The following PDE3A variants were observed in gnomAD, a reference collection of about 807,000 sequenced individuals.
The protein encoded by PDE3A is cGMP-inhibited 3',5'-cyclic phosphodiesterase 3A.
Under a neutral mutation model 98.3 loss-of-function variants are expected in PDE3A, and 43 were observed. That is an observed-to-expected ratio of 0.44 (90% CI 0.34 to 0.56). PDE3A has a LOEUF of 0.56. PDE3A is among the 20% of genes least tolerant of loss of function. The pLI is 0.01. For missense variants in PDE3A, 1,427 were observed against 1,440.7 expected (o/e 0.99, Z 0.15); for synonymous variants, 663 against 567.9 (o/e 1.17, Z -2.38).
At chr12:20,610,550 T>C (rs910148972) in intron 2 of PDE3A, among the ~76,000 whole-genome samples, 1 of 151,918 alleles carries the variant, frequency 6.6e-6, no homozygotes, top group African/African-American at 2.4e-5. Flanking sequence ...CACCACCTCA[T>C]AAAGATATCT....
chr12:20,559,602 C>T (rs768431849), intron 2 of PDE3A, among the ~76,000 whole-genome samples: 8 of 151,046 alleles, frequency 5.3e-5, no homozygotes, highest in African/African-American at 7.3e-5. Flanking sequence ...ACCCTGGAGG[C>T]GGAGGTTGCA....
chr12:20,584,834 C>T (rs1295966327), intron 2 of PDE3A, among the ~76,000 whole-genome samples: 1 of 152,088 alleles, frequency 6.6e-6, no homozygotes, highest in Non-Finnish European at 1.5e-5. Flanking sequence ...TGCTTTCCTT[C>T]CCCTTAAAGC....
At chr12:20,622,085 C>T (rs1944150268) in intron 5 of PDE3A, among the ~76,000 whole-genome samples, 1 of 152,078 alleles carries the variant, frequency 6.6e-6, no homozygotes, top group Admixed American at 6.6e-5. Context: ...TCAGTAACTT[C>T]CTGCTTAGTT....
At position 20,670,238 on chromosome 12, in the gene PDE3A, C is replaced by G. The variant is rs1156968678; in HGVS notation, c.3185-9792C>G. Among the ~76,000 whole-genome samples the G allele has an allele frequency of 1.6e-4, 24 of 148,958 alleles. No homozygotes were observed. In the South Asian group the frequency reaches 5.2e-3, roughly 32 times the overall value. ...CTACAAAGAGACTTAGACTCCCACA[C>G]ATTAATAATGGGAGACTTTAACACC... is the stretch of plus-strand genomic sequence containing the variant. On this transcript the variant is annotated intron_variant, in intron 15 of 15. Transcript: ENST00000359062.
At chr12:20,625,670 T>G (rs1251402132) in intron 5 of PDE3A, among the ~76,000 whole-genome samples, 2 of 152,156 alleles carry the variant, frequency 1.3e-5, no homozygotes, top group Admixed American at 6.6e-5. Flanking sequence ...AACAGATGGA[T>G]TCACTTAAAT....
At chr12:20,569,993 T>C (rs528343050) in intron 2 of PDE3A, among the ~76,000 whole-genome samples, 6 of 152,118 alleles carry the variant, frequency 3.9e-5, no homozygotes, top group Non-Finnish European at 5.9e-5. Flanking sequence ...AAGAAGGATA[T>C]TGAAAAGCTG....
intron 1 of PDE3A, among the ~76,000 whole-genome samples, chr12:20,530,365 T>C (rs977207347): frequency 1.5e-4 from 23 of 152,118 alleles, no homozygotes; most frequent in Non-Finnish European, 2.5e-4. Context: ...CTCCAGATAG[T>C]AGAAATAAGA....
chr12:20,552,062 A>G lies in PDE3A; in HGVS notation c.961-4598A>G. The stretch of plus-strand genomic sequence containing the variant: ...GTGGACCATGGGAATTTTTTCACAT[A>G]CACGGGTAGTGGTGGTCGAGAGCTT... On this transcript the variant is annotated intron_variant, in intron 1 of 15. Coordinates refer to ENST00000359062, the MANE Select transcript of PDE3A (RefSeq NM_000921.5). This position sits in a 1 kb window ranked among gnomAD's most constrained non-coding sequence, Gnocchi z 5.1. 6.2e-7 allele frequency: 1 copy of G among 1,608,184 alleles called. No individual in the cohort carries two copies. Among genetic ancestry groups the G allele is most frequent in the South Asian group, 1.1e-5 (1 of 90,994 alleles).
rs767915193 is a variant in PDE3A at position 20,607,910 on chromosome 12, TTAAA to T, written c.1012-5528_1012-5525del. Among the ~76,000 whole-genome samples the T allele has an allele frequency of 7.5e-4, 114 of 152,320 alleles. 1 individual carries two copies. Among genetic ancestry groups the T allele is most frequent in the Non-Finnish European group, 2.9e-4 (20 of 68,042 alleles). ...TTATCACTATCTAAGATTTCACCAGTTAAATAAAACATTTCTGAGTACCATTGGT... is the reference window on the plus strand; with the variant it reads ...TTATCACTATCTAAGATTTCACCAGTTAAAACATTTCTGAGTACCATTGGT... On this transcript the variant is annotated intron_variant, in intron 2 of 15. Transcript: ENST00000359062.
chr12:20,505,800 G>A (rs748271583), intron 1 of PDE3A, among the ~76,000 whole-genome samples: 2 of 151,956 alleles, frequency 1.3e-5, no homozygotes, highest in Admixed American at 6.6e-5. Flanking sequence ...GGTTTTCCAA[G>A]TTATTTTGTA....
chr12:20,505,916 C>T lies in PDE3A; in HGVS notation c.961-50744C>T, dbSNP rs573207666. Among the ~76,000 whole-genome samples, 8 of 152,046 alleles carry T rather than the reference C, an allele frequency of 5.3e-5. No homozygotes were observed. The South Asian group carries it at 6.2e-4, about 12-fold the overall frequency. On this transcript the variant is annotated intron_variant, in intron 1 of 15. Transcript: ENST00000359062. ...ACTCTGGTTGTATAAGGTGATAAGG[C>T]GCCAAGTCCATTGGTTAGTGCCCCC...
intron 2 of PDE3A, among the ~76,000 whole-genome samples, chr12:20,579,783 A>T (rs1056501775): frequency 3.9e-5 from 6 of 152,194 alleles, no homozygotes; most frequent in African/African-American, 1.2e-4. Context: ...AGAGTTGCGC[A>T]TTAGGTAATG....
At chr12:20,373,707 C>T (rs1359140148) in intron 1 of PDE3A, among the ~76,000 whole-genome samples, 1 of 152,030 alleles carries the variant, frequency 6.6e-6, no homozygotes, top group East Asian at 1.9e-4. Flanking sequence ...TGCATTTGTA[C>T]CACTTAATGA....
intron 15 of PDE3A, among the ~76,000 whole-genome samples, chr12:20,663,143 A>G (rs1945218909): frequency 1.3e-5 from 2 of 152,204 alleles, no homozygotes; most frequent in African/African-American, 4.8e-5. Flanking sequence ...GGTGTGCAGA[A>G]GACAGAAATT....
At chr12:20,371,936 C>G (rs1437843213) in intron 1 of PDE3A, among the ~76,000 whole-genome samples, 1 of 152,086 alleles carries the variant, frequency 6.6e-6, no homozygotes, top group Admixed American at 6.6e-5. Flanking sequence ...GTTACTATTG[C>G]AAAATTCACA....
chr12:20,456,430 A>G (rs1945152179), intron 1 of PDE3A, among the ~76,000 whole-genome samples: 1 of 152,160 alleles, frequency 6.6e-6, no homozygotes, highest in African/African-American at 2.4e-5. Context: ...CATAAAGTTG[A>G]CTTCTTAGGA....
chr12:20,629,855 A>G (rs1944342860), intron 5 of PDE3A, 53 bp from the exon 6 acceptor site: 3 of 1,374,088 alleles, frequency 2.2e-6, no homozygotes, highest in East Asian at 2.3e-5. Context: ...AACAGTTGCA[A>G]TTTTGCATTT....
At chr12:20,664,544 T>C (rs10770689) in intron 15 of PDE3A, among the ~76,000 whole-genome samples, 75,699 of 151,948 alleles carry the variant, frequency 0.5, 19,864 homozygotes, top group East Asian at 0.72. Context: ...GCTCCAATAA[T>C]TCTCATGTGT....
chr12:20,412,940 A>G (rs912236519), intron 1 of PDE3A, among the ~76,000 whole-genome samples: 84 of 152,214 alleles, frequency 5.5e-4, no homozygotes, highest in Admixed American at 5.3e-3. Context: ...GTCTGTCGCT[A>G]TATTAGCTCA....
Sources: allele counts gnomAD v4.1 joint callset (sites outside exome capture counted in the v4.1 genomes callset), GRCh38; gene constraint gnomAD v4.1.1; non-coding constraint Gnocchi (gnomAD v3.1); transcripts MANE v1.5; gene names NCBI Gene and HGNC (gene_info 2026-07-23, HGNC 2026-07-21).